The following GSS variants were observed in gnomAD, a reference collection of about 807,000 sequenced individuals.
GSS encodes GSH synthetase.
A neutral mutation model predicts 60.4 loss-of-function variants in GSS; 34 were observed. The ratio of observed to expected loss-of-function variants is 0.56; its 90% CI spans 0.43 to 0.75. The LOEUF (loss-of-function observed/expected upper bound fraction) is 0.75. Among genes scored for constraint, GSS ranks in the 30% least tolerant of loss-of-function variants. The pLI, the probability that GSS is intolerant of heterozygous loss-of-function variation, is 0.00. For synonymous variants in GSS, 224 were observed against 239.0 expected (o/e 0.94, Z 0.58); for missense variants, 499 against 595.1 (o/e 0.84, Z 1.68).
chr20:34,933,295 G>C (rs2081416778), intron 9 of GSS, among the ~76,000 whole-genome samples: 2 of 152,144 alleles, frequency 1.3e-5, no homozygotes, highest in African/African-American at 4.8e-5. Context: ...AATATTTGTT[G>C]TTGTTGCTGA....
At chr20:34,939,764 G>A (rs191159983) in intron 6 of GSS, among the ~76,000 whole-genome samples, 65 of 151,874 alleles carry the variant, frequency 4.3e-4, no homozygotes, top group South Asian at 2.9e-3. Flanking sequence ...CACCTCCCGG[G>A]TTCAAGTGAT....
chr20:34,936,824 G>A lies in GSS; in HGVS notation c.706C>T (p.Arg236Ter), dbSNP rs765110067. 35 of 1,613,816 alleles carry A rather than the reference G, an allele frequency of 2.2e-5. No homozygotes were observed. Among genetic ancestry groups the A allele is most frequent in the South Asian group, 4.4e-5 (4 of 91,072 alleles). Residue 236 changes from arginine to a stop codon, truncating the protein, a stop_gained, in exon 8 of 13, where the codon CGA (arginine) becomes TGA (stop). Transcript: ENST00000651619. LOFTEE classifies it high-confidence loss of function. ...ELLARNIHVI[R>*]RTFEDISEKG... The stretch of plus-strand genomic sequence containing the variant: ...TCAGAGATATCTTCAAATGTTCGTC[G>A]GATCACATGGATGTTCCTGGGAAAA...
At position 34,931,958 on chromosome 20, in the gene GSS, C is replaced by T. The variant is rs752907657; in HGVS notation, c.1010G>A (p.Gly337Asp). The T allele has an allele frequency of 2.5e-6, 4 of 1,613,964 alleles. No individual in the cohort carries two copies. The highest frequency in any genetic ancestry group is 3.4e-4 in the Middle Eastern group (2 of 5,930). The change falls in exon 10 of 13, where the codon GGC becomes GAC. Residue 337 changes from glycine (G) to aspartate (D), a missense_variant. Coordinates refer to ENST00000651619, the MANE Select transcript of GSS (RefSeq NM_000178.4). ...ACGTACCACATCCAGTGAGTAGAGG[C>T]CAGCAAAGGTGGCGCGGAGGCGGGC... Reference protein sequence around the residue: ...AVARLRATFAGLYSLDVGEEG... With the variant: ...AVARLRATFADLYSLDVGEEG...
At chr20:34,940,757 G>A (rs1235495418) in intron 6 of GSS, among the ~76,000 whole-genome samples, 2 of 152,126 alleles carry the variant, frequency 1.3e-5, no homozygotes, top group South Asian at 4.1e-4. Flanking sequence ...GCGGCCCCTC[G>A]ATGATCTGAA....
intron 2 of GSS, chr20:34,949,518 C>G (rs541026688): frequency 6.6e-6 from 1 of 152,130 alleles, no homozygotes; most frequent in East Asian, 1.9e-4. Flanking sequence ...AATACCACCC[C>G]CCATCTCAAT....
intron 10 of GSS, among the ~76,000 whole-genome samples, 169 bp downstream of exon 10, chr20:34,931,770 T>A (rs2081403097): frequency 1.3e-5 from 2 of 152,220 alleles, no homozygotes; most frequent in Non-Finnish European, 2.9e-5. Flanking sequence ...CCTTCCATTA[T>A]GAGGCTGCCC....
chr20:34,937,919 AC>A (rs1292537373), intron 6 of GSS, among the ~76,000 whole-genome samples: 4 of 152,050 alleles, frequency 2.6e-5, no homozygotes, highest in African/African-American at 9.7e-5. Flanking sequence ...GTGCAGTGGC[AC>A]AATCTAGGCT....
intron 6 of GSS, 103 bp from the exon 7 acceptor site, chr20:34,937,126 G>T: frequency 1.3e-6 from 1 of 779,452 alleles, no homozygotes; most frequent in Non-Finnish European, 2.2e-6. Flanking sequence ...ATAAGAATAA[G>T]AACACCGCTT....
At chr20:34,954,472 T>G (rs1437129764) in intron 1 of GSS, 1 of 152,302 alleles carries the variant, frequency 6.6e-6, no homozygotes, top group Non-Finnish European at 1.5e-5. Context: ...GAGAATAGCT[T>G]GAACCCAGGA....
At chr20:34,945,865 C>A in intron 3 of GSS, 88 bp downstream of exon 3, 6 of 1,409,594 alleles carry the variant, frequency 4.3e-6, no homozygotes, top group Non-Finnish European at 6.0e-6. Flanking sequence ...ACCAAGTCAG[C>A]TGACACAGTA....
At chr20:34,950,603 C>CA (rs1333931521) in intron 2 of GSS, among the ~76,000 whole-genome samples, 1,327 of 114,518 alleles carry the variant, frequency 0.012, 16 homozygotes, top group East Asian at 0.1. Flanking sequence ...CTGTCCCTAC[C>CA]AAAAAAAAAA....
chr20:34,944,634 C>T (rs1230005872), intron 3 of GSS, among the ~76,000 whole-genome samples: 2 of 152,152 alleles, frequency 1.3e-5, no homozygotes, highest in Admixed American at 6.5e-5. Flanking sequence ...AGAAGTCTTT[C>T]GGATTTTGGA....
rs998620976 is a variant in GSS at position 34,942,975 on chromosome 20, G to C, written c.307C>G (p.Leu103Val). The C allele has an allele frequency of 1.9e-6, 3 of 1,612,360 alleles. No individual in the cohort carries two copies. The African/African-American group carries it at 4.0e-5, about 22-fold the overall frequency. Residue 103 changes from leucine to valine, a missense_variant, in exon 4 of 13, where the codon CTC (leucine) becomes GTC (valine). Coordinates refer to ENST00000651619, the MANE Select transcript of GSS (RefSeq NM_000178.4). ...TIKQDDFTAR[L>V]FDIHKQVLKE... is the part of the protein sequence containing the mutation. ...AGGACTTGCTTGTGGATGTCAAAGA[G>C]ACGAGCGGTAAAGTCATCCTGTTTG...
chr20:34,951,358 G>A (rs2081566771), intron 2 of GSS: 1 of 250,138 alleles, frequency 4.0e-6, no homozygotes, highest in Non-Finnish European at 7.8e-6. Flanking sequence ...CAGTTACAGA[G>A]AAGGTAGAGT....
rs569318973 is a variant in GSS, at chr20:34,945,169, C to T, written c.275+784G>A. 1.5e-3 allele frequency among the ~76,000 whole-genome samples: 223 copies of T among 151,686 alleles called. 2 individuals are homozygous for T. The highest frequency in any genetic ancestry group is 2.3e-3 in the Non-Finnish European group (153 of 67,872). On this transcript the variant is annotated intron_variant, in intron 3 of 12. Transcript: ENST00000651619. ...CCAAGTAGCTGGGATTATAGGCACC[C>T]GCCACCACACCCAGCTAATTTTTTT... is the stretch of plus-strand genomic sequence containing the variant.
intron 3 of GSS, among the ~76,000 whole-genome samples, chr20:34,944,071 C>A (rs1297227148): frequency 2.0e-5 from 3 of 152,202 alleles, no homozygotes; most frequent in Non-Finnish European, 4.4e-5. Flanking sequence ...TCCTCTGCTC[C>A]TCAGCCAGCT....
At chr20:34,945,314 C>T (rs961860612) in intron 3 of GSS, among the ~76,000 whole-genome samples, 11 of 151,210 alleles carry the variant, frequency 7.3e-5, no homozygotes, top group Non-Finnish European at 1.2e-4. Context: ...TGAGCCACCG[C>T]GCCCAGCCTA....
At position 34,932,000 on chromosome 20, in the gene GSS, C is replaced by T; in HGVS notation, c.968G>A (p.Gly323Asp). 2 of 1,614,212 alleles carry T rather than the reference C, an allele frequency of 1.2e-6. No individual in the cohort carries two copies. Among genetic ancestry groups the T allele is most frequent in the Non-Finnish European group, 8.5e-7 (1 of 1,180,028 alleles). ...GAGGCGGGCCACAGCCTCAGGCTGG[C>T]CAGGGAGCAACATCTCCAGCATGCC... ...RPGMLEMLLPGQPEAVARLRA... is the reference protein window; with the variant it reads ...RPGMLEMLLPDQPEAVARLRA... Residue 323 changes from glycine to aspartate, a missense_variant, in exon 10 of 13, where the codon GGC becomes GAC. Coordinates refer to ENST00000651619, the MANE Select transcript of GSS (RefSeq NM_000178.4).
intron 2 of GSS, among the ~76,000 whole-genome samples, 156 bp from the exon 3 acceptor site, chr20:34,946,254 G>A (rs986846175): frequency 6.6e-6 from 1 of 152,158 alleles, no homozygotes; most frequent in Non-Finnish European, 1.5e-5. Context: ...GGGGGAGAGT[G>A]GAACCCAGAG....
Sources: allele counts gnomAD v4.1 joint callset (sites outside exome capture counted in the v4.1 genomes callset), GRCh38; gene constraint gnomAD v4.1.1; transcripts MANE v1.5; gene names NCBI Gene and HGNC (gene_info 2026-07-23, HGNC 2026-07-21).